STARD3: variants seen among roughly 807,000 people sequenced by gnomAD.
STARD3 encodes stAR-related lipid transfer protein 3.
STARD3 carries 39 observed loss-of-function variants against 62.0 expected under a neutral mutation model. The observed-to-expected ratio is 0.63, with a 90% confidence interval of 0.49 to 0.82. The LOEUF (loss-of-function observed/expected upper bound fraction) is 0.82, where lower values mean the gene tolerates loss of function less well. Ranked by LOEUF, STARD3 falls within the 40% of genes least tolerant of loss-of-function variation. The pLI is 0.00. For missense variants in STARD3, 543 were observed against 584.5 expected, an observed-to-expected ratio of 0.93 and a Z score of 0.73; for synonymous variants, 229 against 242.4, an observed-to-expected ratio of 0.94 and a Z score of 0.51.
chr17:39,656,317 C>G (rs898478248), intron 2 of STARD3, among the ~76,000 whole-genome samples: 1 of 152,126 alleles, frequency 6.6e-6, no homozygotes, highest in Non-Finnish European at 1.5e-5. Flanking sequence ...AGCCTAGGCC[C>G]GTCACCCCCG....
intron 9 of STARD3, chr17:39,659,945 C>A: frequency 1.8e-6 from 1 of 562,282 alleles, no homozygotes. Context: ...CTTGTGGCAG[C>A]CCCATTGGCC....
At chr17:39,659,774 C>G in intron 9 of STARD3, 1 of 538,520 alleles carries the variant, frequency 1.9e-6, no homozygotes, top group Non-Finnish European at 3.3e-6. Context: ...GTTTACTTCC[C>G]TGCTGTTCTG....
At chr17:39,658,689 G>C (rs765020019) in intron 6 of STARD3, 33 bp from the exon 7 acceptor site, 1 of 1,612,484 alleles carries the variant, frequency 6.2e-7, no homozygotes, top group East Asian at 2.2e-5. Flanking sequence ...GGGTGTAACT[G>C]TCCTCGGTCC....
In STARD3 at chr17:39,663,067, C is replaced by A; in HGVS notation, c.*159C>A. The A allele has an allele frequency of 1.4e-6, 1 of 718,282 alleles. No individual in the cohort carries two copies. The highest frequency in any genetic ancestry group is 2.1e-6 in the Non-Finnish European group (1 of 465,772). 44.5% of individuals were successfully genotyped at this position (718,282 alleles called of 1,614,324 possible). On this transcript the variant is annotated 3_prime_UTR_variant, in exon 15 of 15. Transcript: ENST00000336308. ...GCCTGGAGTTGACTGACTGAGCAGG[C>A]TGTGGGGTGGAGCACTGGACTCCGG...
At chr17:39,654,394 C>T (rs2057107306) in intron 2 of STARD3, among the ~76,000 whole-genome samples, 1 of 152,060 alleles carries the variant, frequency 6.6e-6, no homozygotes, top group Admixed American at 6.6e-5. Flanking sequence ...AGAGTGAGAC[C>T]CTGACTCAAA....
chr17:39,639,595 G>A (rs984438060), intron 1 of STARD3, among the ~76,000 whole-genome samples: 1 of 152,208 alleles, frequency 6.6e-6, no homozygotes, highest in East Asian at 1.9e-4. Flanking sequence ...CAGGGGAGAC[G>A]GAGCTGAGGA....
chr17:39,656,793 G>A lies in STARD3; in HGVS notation c.220-215G>A. On this transcript the variant is annotated intron_variant, in intron 2 of 14. Transcript: ENST00000336308. ...GAAGCTAGCCCTGCCCATCGGGGCG[G>A]CCTGGATCCTTAGAGGACTGGTATT... 5.3e-6 allele frequency: 3 copies of A among 562,620 alleles called. 1 individual carries two copies. Among genetic ancestry groups the A allele is most frequent in the Non-Finnish European group, 9.5e-6 (3 of 315,990 alleles). 34.9% of individuals were successfully genotyped at this position (562,620 alleles called of 1,614,324 possible). A position where few individuals can be genotyped will look rare whatever the true frequency, so the allele number is the denominator to read the frequency against.
At chr17:39,658,310 T>C in intron 5 of STARD3, 95 bp from the exon 6 acceptor site, 2 of 1,153,360 alleles carry the variant, frequency 1.7e-6, no homozygotes, top group Non-Finnish European at 2.6e-6. Context: ...GAATGGGGTG[T>C]ATGCCAGTTT....
At chr17:39,659,807 AG>A in intron 9 of STARD3, 1 of 469,146 alleles carries the variant, frequency 2.1e-6, no homozygotes, top group East Asian at 4.0e-5. Flanking sequence ...CAGGCTTTGA[AG>A]GGGAAGCCAG....
Position 39,660,705 on chromosome 17 carries a change from G to A in STARD3, c.955-105G>A. The A allele has an allele frequency of 7.0e-7, 1 of 1,427,438 alleles. No individual in the cohort carries two copies. The highest frequency in any genetic ancestry group is 1.3e-5 in the South Asian group (1 of 77,152). 88.4% of individuals were successfully genotyped at this position (1,427,438 alleles called of 1,614,324 possible). ...GGAGTGCTCATCAGGCGCTGCCCAG[G>A]GCCTGCCTGTGGCAATAGCAGTTAG... On this transcript the variant is annotated intron_variant, in intron 11 of 14. Transcript: ENST00000336308. This position sits in a 1 kb window ranked among gnomAD's most constrained non-coding sequence, Gnocchi z 4.8.
intron 8 of STARD3, 137 bp from the exon 9 acceptor site, chr17:39,659,324 G>C: frequency 9.9e-7 from 1 of 1,010,768 alleles, no homozygotes; most frequent in Admixed American, 2.3e-5. Flanking sequence ...GGCCCAGGGA[G>C]ACCAGCCCAG....
chr17:39,658,147 A>G (rs765166750), intron 5 of STARD3, 121 bp downstream of exon 5: 1 of 1,128,040 alleles, frequency 8.9e-7, no homozygotes, highest in South Asian at 1.3e-5. Context: ...GGGGAGAGGG[A>G]ATCCTGTCCT....
chr17:39,663,508 C>T lies in STARD3; in HGVS notation c.*600C>T, dbSNP rs1457422206. On this transcript the variant is annotated 3_prime_UTR_variant, in exon 15 of 15. Transcript: ENST00000336308. Reference sequence around the variant, plus strand: ...AATTCCAGCCCCTCCCACTGCCTTGCCTCTTGAGGGAAGAGAAAGGCAGGC... The same window carrying T: ...AATTCCAGCCCCTCCCACTGCCTTGTCTCTTGAGGGAAGAGAAAGGCAGGC... 3 of 154,154 alleles carry T rather than the reference C, an allele frequency of 1.9e-5. No homozygotes were observed. Among genetic ancestry groups the T allele is most frequent in the African/African-American group, 7.2e-5 (3 of 41,488 alleles). The allele number at this position is 154,154 out of a possible 1,614,324, so 9.5% of individuals were successfully genotyped here.
rs975112902 is a variant in STARD3 at position 39,653,669 on chromosome 17, C to G, written c.138C>G (p.Ile46Met). Residue 46 changes from isoleucine to methionine, a missense_variant, in exon 2 of 15, where the codon ATC becomes ATG. Physicochemically the swap from Ile to Met is conservative, Grantham distance 10. Transcript: ENST00000336308. ...LLPPPEKRRA[I>M]SDVRRTFCLF... ...CGCCGCCTGAGAAGCGAAGGGCCAT[C>G]TCTGATGTCCGCCGCACCTTCTGTC... 4.3e-6 allele frequency: 7 copies of G among 1,614,100 alleles called. No homozygotes were observed. Among genetic ancestry groups the G allele is most frequent in the Non-Finnish European group, 5.9e-6 (7 of 1,180,056 alleles).
Position 39,663,911 on chromosome 17 carries a change from C to T in STARD3, c.*1003C>T, listed in dbSNP as rs1474016129. Reference sequence around the variant, plus strand: ...CCTCCCAGACTCCACTCACCCATTCCCTCTCCCCGCACGGCACTCACACCA... The same window carrying T: ...CCTCCCAGACTCCACTCACCCATTCTCTCTCCCCGCACGGCACTCACACCA... On this transcript the variant is annotated 3_prime_UTR_variant, in exon 15 of 15. Coordinates refer to ENST00000336308, the MANE Select transcript of STARD3 (RefSeq NM_006804.4). Among the ~76,000 whole-genome samples, 10 of 152,028 alleles carry T rather than the reference C, an allele frequency of 6.6e-5. No individual in the cohort carries two copies. Among genetic ancestry groups the T allele is most frequent in the Non-Finnish European group, 2.9e-5 (2 of 67,980 alleles).
chr17:39,638,916 G>A (rs2056959534), intron 1 of STARD3, among the ~76,000 whole-genome samples: 6 of 152,232 alleles, frequency 3.9e-5, no homozygotes, highest in Admixed American at 3.9e-4. Flanking sequence ...AAGGCAGGAT[G>A]ATCGCTTGAG....
Position 39,659,565 on chromosome 17 carries a change from T to A in STARD3, c.795+12T>A, listed in dbSNP as rs1206692071. On this transcript the variant is annotated intron_variant, in intron 9 of 14. Transcript: ENST00000336308. Reference sequence around the variant, plus strand: ...TTGAGAAGAATAATGTAAGAAGCCCTCTCCCACCTGACCTTCCCATGCGTG... The same window carrying A: ...TTGAGAAGAATAATGTAAGAAGCCCACTCCCACCTGACCTTCCCATGCGTG... 1 of 1,613,580 alleles carries A rather than the reference T, an allele frequency of 6.2e-7. No homozygotes were observed.
At chr17:39,646,569 A>C (rs2057027672) in intron 1 of STARD3, among the ~76,000 whole-genome samples, 1 of 152,118 alleles carries the variant, frequency 6.6e-6, no homozygotes, top group African/African-American at 2.4e-5. Context: ...TGCCTGTTTT[A>C]ATGCAGCTGA....
intron 1 of STARD3, among the ~76,000 whole-genome samples, chr17:39,641,234 T>G (rs2056980344): frequency 6.6e-6 from 1 of 152,128 alleles, no homozygotes; most frequent in Admixed American, 6.5e-5. Flanking sequence ...TTACTAGACA[T>G]GTACCGTGGC....
Sources: allele counts gnomAD v4.1 joint callset (sites outside exome capture counted in the v4.1 genomes callset), GRCh38; gene constraint gnomAD v4.1.1; non-coding constraint Gnocchi (gnomAD v3.1); transcripts MANE v1.5; gene names NCBI Gene and HGNC (gene_info 2026-07-23, HGNC 2026-07-21).